Variants in ELMO1 observed in about 807,000 individuals in gnomAD.
The protein encoded by ELMO1 is engulfment and cell motility protein 1.
ELMO1 carries 26 observed loss-of-function variants against 98.9 expected under a neutral mutation model. The ratio of observed to expected loss-of-function variants is 0.26; its 90% CI spans 0.19 to 0.36. The LOEUF (loss-of-function observed/expected upper bound fraction) is 0.36, where lower values mean the gene tolerates loss of function less well. ELMO1 is among the 10% of genes least tolerant of loss of function. The probability of loss-of-function intolerance (pLI) is 1.00; values close to 1 mark genes in which losing one functional copy is unlikely to be tolerated. For synonymous variants in ELMO1, 346 were observed against 346.0 expected (o/e 1.00, Z 0.00); for missense variants, 627 against 935.2 (o/e 0.67, Z 4.30).
chr7:37,279,846 G>A (rs1797048715), intron 4 of ELMO1, among the ~76,000 whole-genome samples: 1 of 152,144 alleles, frequency 6.6e-6, no homozygotes, highest in Non-Finnish European at 1.5e-5. Context: ...ATGGGAGCTG[G>A]GTGAAGCCTG....
intron 10 of ELMO1, among the ~76,000 whole-genome samples, chr7:37,220,073 A>T (rs1364114732): frequency 6.6e-6 from 1 of 152,236 alleles, no homozygotes; most frequent in African/African-American, 2.4e-5. Flanking sequence ...AGCAACCCAC[A>T]TGATGTCACC....
chr7:37,342,498 T>C lies in ELMO1; in HGVS notation c.78+115A>G, dbSNP rs1800768555. 5 of 1,094,878 alleles carry C rather than the reference T, an allele frequency of 4.6e-6. No homozygotes were observed. The South Asian group carries it at 5.2e-5, about 11-fold the overall frequency. The allele number at this position is 1,094,878 out of a possible 1,614,324, so 67.8% of individuals were successfully genotyped here. A position where few individuals can be genotyped will look rare whatever the true frequency, so the allele number is the denominator to read the frequency against. ...CACATTGCAACTATTATTGCACAGA[T>C]TTTTCAACACAGCTAGAGAGAGAAA... On this transcript the variant is annotated intron_variant, in intron 2 of 21. Coordinates refer to ENST00000310758, the MANE Select transcript of ELMO1 (RefSeq NM_014800.11). The surrounding 1 kb of genome is among the most constrained non-coding windows in gnomAD (Gnocchi z 4.3).
intron 13 of ELMO1, among the ~76,000 whole-genome samples, chr7:37,186,871 G>T (rs2130080846): frequency 6.6e-6 from 1 of 152,208 alleles, no homozygotes; most frequent in African/African-American, 2.4e-5. Context: ...CATATACATT[G>T]GTGCAAGCAC....
intron 18 of ELMO1, among the ~76,000 whole-genome samples, chr7:36,878,954 C>T (rs1804199013): frequency 6.6e-6 from 1 of 152,212 alleles, no homozygotes; most frequent in African/African-American, 2.4e-5. Context: ...CCAGGAAGCC[C>T]TCTTTATCCC....
chr7:36,999,451 A>G (rs552949959), intron 16 of ELMO1, among the ~76,000 whole-genome samples: 16 of 152,292 alleles, frequency 1.1e-4, no homozygotes, highest in Non-Finnish European at 1.8e-4. Context: ...CAGGGCAATT[A>G]ACCTGCTCAA....
intron 16 of ELMO1, among the ~76,000 whole-genome samples, chr7:36,912,485 G>A (rs930405765): frequency 3.3e-5 from 5 of 151,996 alleles, no homozygotes; most frequent in African/African-American, 1.2e-4. Flanking sequence ...GGAGTTGCTG[G>A]GCCAAATCCA....
chr7:36,983,271 C>T (rs1156788754), intron 16 of ELMO1, among the ~76,000 whole-genome samples: 1 of 152,210 alleles, frequency 6.6e-6, no homozygotes, highest in Non-Finnish European at 1.5e-5. Flanking sequence ...AAAGGGGCAA[C>T]CAATGGGGCA....
intron 15 of ELMO1, among the ~76,000 whole-genome samples, chr7:37,095,587 A>C (rs1447753953): frequency 6.6e-6 from 1 of 152,192 alleles, no homozygotes; most frequent in Non-Finnish European, 1.5e-5. Context: ...GAAGATGATA[A>C]AGTTTTCCAC....
intron 15 of ELMO1, among the ~76,000 whole-genome samples, chr7:37,092,948 T>C (rs1304609605): frequency 6.6e-6 from 1 of 151,108 alleles, no homozygotes; most frequent in Non-Finnish European, 1.5e-5. Flanking sequence ...TAAATTCCAG[T>C]TTGAGCTCAG....
rs1329895518 is a variant in ELMO1 at position 37,297,504 on chromosome 7, CA to C, written c.192+17345del. On this transcript the variant is annotated intron_variant, in intron 4 of 21. Coordinates refer to ENST00000310758, the MANE Select transcript of ELMO1 (RefSeq NM_014800.11). ...GATGGCCACATATACCTAGATGACA[CA>C]ATTTCTTTGACTCATCATTCAACTT... Among the ~76,000 whole-genome samples the C allele has an allele frequency of 2.0e-5, 3 of 151,322 alleles. No homozygotes were observed. The East Asian group carries it at 5.9e-4, about 30-fold the overall frequency.
intron 16 of ELMO1, among the ~76,000 whole-genome samples, chr7:36,989,428 G>A (rs543030568): frequency 6.6e-6 from 1 of 152,294 alleles, no homozygotes; most frequent in African/African-American, 2.4e-5. Context: ...TCAGGGGGCA[G>A]AATCACGAAT....
intron 4 of ELMO1, among the ~76,000 whole-genome samples, chr7:37,313,729 G>A (rs1462367661): frequency 6.6e-6 from 1 of 152,100 alleles, no homozygotes; most frequent in Non-Finnish European, 1.5e-5. Flanking sequence ...CTAAGGGGAA[G>A]TAGAACCCTT....
chr7:37,105,065 A>G (rs1214087828), intron 14 of ELMO1, among the ~76,000 whole-genome samples: 1 of 152,226 alleles, frequency 6.6e-6, no homozygotes, highest in Non-Finnish European at 1.5e-5. Flanking sequence ...GGAGCTTCAT[A>G]ATAGACCTCA....
intron 13 of ELMO1, among the ~76,000 whole-genome samples, chr7:37,207,770 C>T (rs891331094): frequency 3.3e-5 from 5 of 151,380 alleles, no homozygotes; most frequent in South Asian, 2.1e-4. Context: ...TGGTGAAACC[C>T]GTCTCTACTA....
At chr7:37,418,682 C>CAGAA (rs1314661896) in intron 1 of ELMO1, among the ~76,000 whole-genome samples, 1 of 152,168 alleles carries the variant, frequency 6.6e-6, no homozygotes, top group Non-Finnish European at 1.5e-5. Flanking sequence ...TGCTGACCTG[C>CAGAA]AGAAGTCTCA....
chr7:37,256,338 A>T (rs1040016475), intron 6 of ELMO1, among the ~76,000 whole-genome samples: 1 of 152,062 alleles, frequency 6.6e-6, no homozygotes, highest in Non-Finnish European at 1.5e-5. Flanking sequence ...CTTCTCTGAC[A>T]TGATGTTCTT....
intron 20 of ELMO1, among the ~76,000 whole-genome samples, chr7:36,862,484 G>A (rs1385675315): frequency 1.3e-5 from 2 of 152,240 alleles, no homozygotes; most frequent in African/African-American, 4.8e-5. Flanking sequence ...GCAGGTGAAT[G>A]ACCAATGACC....
chr7:36,923,050 C>T (rs1473701674), intron 16 of ELMO1, among the ~76,000 whole-genome samples: 6 of 152,170 alleles, frequency 3.9e-5, no homozygotes, highest in African/African-American at 1.4e-4. Flanking sequence ...GCTGTCACTC[C>T]CTCCAGTAGG....
chr7:37,048,915 A>G (rs1396657812), intron 15 of ELMO1, among the ~76,000 whole-genome samples: 2 of 152,090 alleles, frequency 1.3e-5, no homozygotes, highest in Non-Finnish European at 2.9e-5. Context: ...GCAGCTTTTT[A>G]TCTCTTTCAC....
Sources: allele counts gnomAD v4.1 joint callset (sites outside exome capture counted in the v4.1 genomes callset), GRCh38; gene constraint gnomAD v4.1.1; non-coding constraint Gnocchi (gnomAD v3.1); transcripts MANE v1.5; gene names NCBI Gene and HGNC (gene_info 2026-07-23, HGNC 2026-07-21).